Variants in CMYA5 observed in about 807,000 individuals in gnomAD.
CMYA5 encodes the protein cardiomyopathy associated 5.
Under a neutral mutation model 318.9 loss-of-function variants are expected in CMYA5, and 246 were observed. That is an observed-to-expected ratio of 0.77 (90% CI 0.70 to 0.86). CMYA5 has a LOEUF of 0.86. Among genes scored for constraint, CMYA5 ranks in the 40% least tolerant of loss-of-function variants. The pLI, the probability that CMYA5 is intolerant of heterozygous loss-of-function variation, is 0.00. For synonymous variants in CMYA5, 1,641 were observed against 1,729.5 expected, an observed-to-expected ratio of 0.95 and a Z score of 1.27; for missense variants, 4,589 against 4,678.2, an observed-to-expected ratio of 0.98 and a Z score of 0.56.
chr5:79,793,099 G>T (rs1829207004), intron 11 of CMYA5, among the ~76,000 whole-genome samples: 2 of 152,210 alleles, frequency 1.3e-5, no homozygotes, highest in Admixed American at 6.5e-5. Flanking sequence ...TTTATGAAGA[G>T]AAGTCACCTT....
chr5:79,749,068 T>C (rs2151091555), intron 5 of CMYA5, among the ~76,000 whole-genome samples: 1 of 152,350 alleles, frequency 6.6e-6, no homozygotes, highest in Non-Finnish European at 1.5e-5. Flanking sequence ...CTAAATACTC[T>C]TTCTTCGGTT....
chr5:79,702,530 T>C (rs1173360919), intron 1 of CMYA5, among the ~76,000 whole-genome samples: 2 of 152,314 alleles, frequency 1.3e-5, no homozygotes, highest in South Asian at 2.1e-4. Context: ...GTTTCATTTA[T>C]ATAAAATGCC....
intron 2 of CMYA5, among the ~76,000 whole-genome samples, chr5:79,742,471 G>C (rs547661353): frequency 1.3e-5 from 2 of 152,138 alleles, no homozygotes; most frequent in Non-Finnish European, 2.9e-5. Context: ...CCAGGCAGTA[G>C]CCACTGCAGC....
chr5:79,722,520 TACAA>T (rs750124479), intron 1 of CMYA5, among the ~76,000 whole-genome samples: 7 of 151,754 alleles, frequency 4.6e-5, no homozygotes, highest in Non-Finnish European at 8.8e-5. Flanking sequence ...CTACTAAAAA[TACAA>T]AAAATTGGCT....
intron 1 of CMYA5, among the ~76,000 whole-genome samples, chr5:79,699,901 A>G (rs1022687560): frequency 2.6e-5 from 4 of 152,230 alleles, no homozygotes; most frequent in African/African-American, 9.6e-5. Flanking sequence ...TTGACTCATT[A>G]AAAGAAAATT....
intron 7 of CMYA5, 132 bp from the exon 8 acceptor site, chr5:79,761,679 A>G (rs1828653979): frequency 5.5e-6 from 5 of 901,914 alleles, no homozygotes; most frequent in Non-Finnish European, 8.1e-6. Flanking sequence ...GCTGGTTTTC[A>G]CATAATGGTA....
intron 9 of CMYA5, among the ~76,000 whole-genome samples, chr5:79,786,528 T>A (rs1224479269): frequency 6.6e-6 from 1 of 152,250 alleles, no homozygotes; most frequent in Non-Finnish European, 1.5e-5. Context: ...AGTTTGGGTA[T>A]TCTGTGAACT....
chr5:79,690,898 T>C (rs1347833792), intron 1 of CMYA5, among the ~76,000 whole-genome samples: 1 of 152,022 alleles, frequency 6.6e-6, no homozygotes, highest in African/African-American at 2.4e-5. Flanking sequence ...GCTTACCTAA[T>C]CAAAGCCAGC....
chr5:79,726,692 G>T (rs1054399523), intron 1 of CMYA5, among the ~76,000 whole-genome samples: 1 of 152,112 alleles, frequency 6.6e-6, no homozygotes, highest in Non-Finnish European at 1.5e-5. Context: ...CCCCATGGCT[G>T]TGCTGAGAAC....
At position 79,729,838 on chromosome 5, in the gene CMYA5, G is replaced by A; in HGVS notation, c.1073G>A (p.Arg358Lys). ...SGRAEQGIQL[R>K]HSQSVPQQPE... ...AGAGCAGAACAAGGAATACAGCTCAGGCATTCACAGTCAGTGCCACAACAG... is the reference window on the plus strand; with the variant it reads ...AGAGCAGAACAAGGAATACAGCTCAAGCATTCACAGTCAGTGCCACAACAG... The change falls in exon 2 of 13, where the codon AGG (arginine) becomes AAG (lysine). Residue 358 changes from arginine to lysine, a missense_variant. Coordinates refer to ENST00000446378, the MANE Select transcript of CMYA5 (RefSeq NM_153610.5). 1 of 1,612,892 alleles carries A rather than the reference G, an allele frequency of 6.2e-7. No individual in the cohort carries two copies. Among genetic ancestry groups the A allele is most frequent in the African/African-American group, 1.3e-5 (1 of 75,030 alleles).
chr5:79,798,201 C>T (rs569253425), intron 12 of CMYA5, among the ~76,000 whole-genome samples: 1 of 152,228 alleles, frequency 6.6e-6, no homozygotes, highest in South Asian at 2.1e-4. Context: ...TGCACTTGAG[C>T]TTCTGAGCCT....
At chr5:79,696,932 G>A (rs545155669) in intron 1 of CMYA5, among the ~76,000 whole-genome samples, 2 of 152,180 alleles carry the variant, frequency 1.3e-5, no homozygotes, top group African/African-American at 2.4e-5. Context: ...ACTTGAACCC[G>A]GGAGGCGGAG....
intron 9 of CMYA5, among the ~76,000 whole-genome samples, chr5:79,765,676 T>G (rs2151095950): frequency 6.6e-6 from 1 of 152,340 alleles, no homozygotes; most frequent in Middle Eastern, 3.4e-3. Context: ...GAGCAGTGGT[T>G]TGTAGTTCTC....
chr5:79,699,636 A>G (rs1048957584), intron 1 of CMYA5, among the ~76,000 whole-genome samples: 5 of 152,238 alleles, frequency 3.3e-5, no homozygotes, highest in East Asian at 1.9e-4. Flanking sequence ...GCCTCAGTCT[A>G]TCCTGCTAAC....
chr5:79,755,614 T>C (rs1023200269), intron 6 of CMYA5, among the ~76,000 whole-genome samples: 2 of 152,198 alleles, frequency 1.3e-5, no homozygotes, highest in Non-Finnish European at 2.9e-5. Flanking sequence ...AGTTTATTAC[T>C]GTAAAAGTGT....
At position 79,731,334 on chromosome 5, in the gene CMYA5, C is replaced by T. The variant is rs748769222; in HGVS notation, c.2569C>T (p.Pro857Ser). The T allele has an allele frequency of 4.3e-5, 70 of 1,613,840 alleles. No homozygotes were observed. Among genetic ancestry groups the T allele is most frequent in the Non-Finnish European group, 5.6e-5 (66 of 1,179,896 alleles). The change falls in exon 2 of 13, where the codon CCA becomes TCA. Residue 857 changes from proline (P) to serine (S), a missense_variant. By Grantham distance (74) the Pro-to-Ser change is moderately conservative. Coordinates refer to ENST00000446378, the MANE Select transcript of CMYA5 (RefSeq NM_153610.5). ...GGTTGTTGCATCTGAACACTCTTTCCCACCACACACAACCGAGATGACTTC... is the reference window on the plus strand; with the variant it reads ...GGTTGTTGCATCTGAACACTCTTTCTCACCACACACAACCGAGATGACTTC... ...DLVVASEHSFPPHTTEMTSEC... is the reference protein window; with the variant it reads ...DLVVASEHSFSPHTTEMTSEC...
At chr5:79,752,433 A>G (rs1828446562) in intron 5 of CMYA5, among the ~76,000 whole-genome samples, 1 of 152,220 alleles carries the variant, frequency 6.6e-6, no homozygotes, top group African/African-American at 2.4e-5. Flanking sequence ...GTATTGCTTG[A>G]TAGAATCTTT....
intron 9 of CMYA5, among the ~76,000 whole-genome samples, chr5:79,770,291 C>T (rs1237421340): frequency 6.6e-6 from 1 of 152,134 alleles, no homozygotes. Context: ...TGGCTTCAGC[C>T]CCCTTTCCAG....
intron 1 of CMYA5, among the ~76,000 whole-genome samples, chr5:79,693,751 A>G (rs905473432): frequency 6.6e-6 from 1 of 152,212 alleles, no homozygotes; most frequent in Non-Finnish European, 1.5e-5. Flanking sequence ...AACTCCTACA[A>G]TGTGCCAGAG....
Sources: gnomAD v4.1 joint callset for allele counts (sites outside exome capture counted in the v4.1 genomes callset) on GRCh38, gnomAD v4.1.1 for gene constraint, MANE v1.5 for transcripts, NCBI Gene and HGNC (gene_info 2026-07-23, HGNC 2026-07-21) for gene names.